ADAMTSL1: variants seen among roughly 807,000 people sequenced by gnomAD.
ADAMTSL1 encodes ADAMTS like 1, also known as ADAMTS-like protein 1.
Under a neutral mutation model 201.8 loss-of-function variants are expected in ADAMTSL1, and 126 were observed. That is an observed-to-expected ratio of 0.62 (90% CI 0.54 to 0.72). ADAMTSL1 has a LOEUF of 0.72. ADAMTSL1 is among the 30% of genes least tolerant of loss of function. ADAMTSL1 has a pLI of 0.00. For missense variants in ADAMTSL1, 2,679 were observed against 2,277.8 expected (o/e 1.18, Z -3.59); for synonymous variants, 1,121 against 903.4 (o/e 1.24, Z -4.32).
chr9:18,049,682 G>C (rs1821838341), intron 1 of ADAMTSL1, among the ~76,000 whole-genome samples: 1 of 151,162 alleles, frequency 6.6e-6, no homozygotes, highest in African/African-American at 2.4e-5. Flanking sequence ...GCAGTGCAGC[G>C]GTGCCATCTT....
intron 2 of ADAMTSL1, among the ~76,000 whole-genome samples, chr9:18,424,387 A>G (rs1361724933): frequency 6.6e-6 from 1 of 152,224 alleles, no homozygotes; most frequent in Admixed American, 6.5e-5. Context: ...GGTGAATCTT[A>G]TACAGTCCCC....
intron 14 of ADAMTSL1, among the ~76,000 whole-genome samples, chr9:18,709,259 G>A (rs1479063114): frequency 1.3e-5 from 2 of 152,118 alleles, no homozygotes; most frequent in South Asian, 2.1e-4. Flanking sequence ...TATATAGGAC[G>A]TGTATATTTT....
At chr9:17,954,153 T>C (rs1827841729) in intron 1 of ADAMTSL1, among the ~76,000 whole-genome samples, 1 of 152,144 alleles carries the variant, frequency 6.6e-6, no homozygotes, top group Admixed American at 6.5e-5. Flanking sequence ...AGCTTGGACT[T>C]TTTTACAGCA....
chr9:18,048,037 A>G (rs1465993331), intron 1 of ADAMTSL1, among the ~76,000 whole-genome samples: 3 of 152,182 alleles, frequency 2.0e-5, no homozygotes, highest in Non-Finnish European at 2.9e-5. Flanking sequence ...GAATTGCCCC[A>G]TTTAGGGACA....
At chr9:18,315,749 G>A (rs1023250067) in intron 2 of ADAMTSL1, among the ~76,000 whole-genome samples, 4 of 152,212 alleles carry the variant, frequency 2.6e-5, no homozygotes, top group African/African-American at 9.6e-5. Flanking sequence ...GCTAGCTCCG[G>A]CCTCAGCCAA....
At chr9:18,263,797 G>A (rs564744473) in intron 2 of ADAMTSL1, among the ~76,000 whole-genome samples, 7 of 152,222 alleles carry the variant, frequency 4.6e-5, no homozygotes, top group Middle Eastern at 6.8e-3. Context: ...ATGCACCAAG[G>A]GAAGGCCACG....
intron 3 of ADAMTSL1, among the ~76,000 whole-genome samples, chr9:18,534,117 A>T (rs1819612116): frequency 6.6e-6 from 1 of 152,228 alleles, no homozygotes; most frequent in Non-Finnish European, 1.5e-5. Flanking sequence ...CAAAGTTTAT[A>T]TTAGTTCAGT....
At chr9:18,253,917 AT>A (rs1456430671) in intron 2 of ADAMTSL1, among the ~76,000 whole-genome samples, 1 of 152,214 alleles carries the variant, frequency 6.6e-6, no homozygotes, top group Non-Finnish European at 1.5e-5. Context: ...CTTTGATGAT[AT>A]ACAACTTTTC....
chr9:18,745,829 G>T (rs764999670), intron 15 of ADAMTSL1, among the ~76,000 whole-genome samples: 1 of 151,858 alleles, frequency 6.6e-6, no homozygotes, highest in Non-Finnish European at 1.5e-5. Flanking sequence ...AAGAAATCTG[G>T]CTCCCATTAT....
chr9:18,554,496 G>A (rs953766003), intron 3 of ADAMTSL1, among the ~76,000 whole-genome samples: 1 of 151,676 alleles, frequency 6.6e-6, no homozygotes, highest in East Asian at 1.9e-4. Context: ...GACCCAATGC[G>A]AATCCAAGAC....
chr9:18,817,690 G>A (rs1195544713), intron 21 of ADAMTSL1, among the ~76,000 whole-genome samples: 1 of 152,194 alleles, frequency 6.6e-6, no homozygotes, highest in African/African-American at 2.4e-5. Context: ...AAAGCCACCA[G>A]CATTGAAGAA....
chr9:18,778,572 AAT>A (rs1241841015), intron 19 of ADAMTSL1, among the ~76,000 whole-genome samples: 1 of 152,206 alleles, frequency 6.6e-6, no homozygotes, highest in Non-Finnish European at 1.5e-5. Context: ...TAGAATTAAT[AAT>A]ATTTTTTACC....
At chr9:17,950,689 C>T (rs1484217932) in intron 1 of ADAMTSL1, among the ~76,000 whole-genome samples, 1 of 151,936 alleles carries the variant, frequency 6.6e-6, no homozygotes, top group Non-Finnish European at 1.5e-5. Context: ...AGAGTTTATG[C>T]ATTTCTCTAC....
intron 13 of ADAMTSL1, among the ~76,000 whole-genome samples, chr9:18,690,620 A>T (rs377253322): frequency 1.3e-5 from 2 of 152,230 alleles, no homozygotes; most frequent in African/African-American, 4.8e-5. Flanking sequence ...ATCAATAAAA[A>T]GAATGTTCAA....
intron 8 of ADAMTSL1, among the ~76,000 whole-genome samples, chr9:18,661,436 G>A (rs1231844952): frequency 6.6e-6 from 1 of 152,124 alleles, no homozygotes; most frequent in African/African-American, 2.4e-5. Context: ...ATGTTCCCAG[G>A]CATCTGGTGG....
intron 2 of ADAMTSL1, among the ~76,000 whole-genome samples, chr9:18,446,876 T>A (rs143029883): frequency 1.7e-3 from 266 of 152,296 alleles, no homozygotes; most frequent in African/African-American, 6.3e-3. Context: ...AAGGAGTTCA[T>A]TGTAACGTGA....
At chr9:18,215,956 T>C (rs1321716679) in intron 2 of ADAMTSL1, among the ~76,000 whole-genome samples, 1 of 152,178 alleles carries the variant, frequency 6.6e-6, no homozygotes, top group Non-Finnish European at 1.5e-5. Context: ...TTACGAGAAC[T>C]GAGTTAGAGC....
intron 1 of ADAMTSL1, among the ~76,000 whole-genome samples, chr9:18,149,205 C>G (rs1280458953): frequency 1.3e-5 from 2 of 151,922 alleles, no homozygotes; most frequent in Admixed American, 1.3e-4. Context: ...AGGAGTCAGA[C>G]TTACCGAGAT....
At chr9:18,205,472 A>C (rs749474720) in intron 2 of ADAMTSL1, among the ~76,000 whole-genome samples, 2 of 152,024 alleles carry the variant, frequency 1.3e-5, no homozygotes, top group Non-Finnish European at 2.9e-5. Context: ...TTTTGAGTAA[A>C]TCTGGGAAAA....
Sources: allele counts gnomAD v4.1 joint callset (sites outside exome capture counted in the v4.1 genomes callset), GRCh38; gene constraint gnomAD v4.1.1; transcripts MANE v1.5; gene names NCBI Gene and HGNC (gene_info 2026-07-23, HGNC 2026-07-21).